CBX7: variants seen among roughly 807,000 people sequenced by gnomAD.
CBX7 encodes chromobox 7.
In CBX7, 14 loss-of-function variants were observed where a neutral mutation model predicts 31.4. That is an observed-to-expected ratio of 0.45 (90% confidence interval 0.29 to 0.70). The LOEUF (loss-of-function observed/expected upper bound fraction) is 0.70, where lower values mean the gene tolerates loss of function less well. Among genes scored for constraint, CBX7 ranks in the 30% least tolerant of loss-of-function variants. CBX7 has a pLI of 0.11. For missense variants in CBX7, 269 were observed against 351.9 expected (o/e 0.76, Z 1.89); for synonymous variants, 159 against 152.6 (o/e 1.04, Z -0.31).
intron 4 of CBX7, chr22:39,135,406 G>A (rs773821042): frequency 6.6e-6 from 1 of 152,250 alleles, no homozygotes; most frequent in East Asian, 1.9e-4. Context: ...TTGTAATGTC[G>A]GGATTTATCT....
At chr22:39,144,658 G>A (rs940616170) in intron 2 of CBX7, among the ~76,000 whole-genome samples, 1 of 152,188 alleles carries the variant, frequency 6.6e-6, no homozygotes, top group Admixed American at 6.5e-5. Flanking sequence ...TAACTGGTAG[G>A]AAGGGGAATT....
intron 1 of CBX7, among the ~76,000 whole-genome samples, chr22:39,150,063 G>A (rs1364954720): frequency 6.6e-6 from 1 of 152,166 alleles, no homozygotes; most frequent in African/African-American, 2.4e-5. Flanking sequence ...ACAGGAGTGC[G>A]TCTGGCTCCA....
Position 39,134,461 on chromosome 22 carries a change from G to A in CBX7, c.538C>T (p.Pro180Ser). Residue 180 changes from proline (P) to serine (S), a missense_variant, in exon 5 of 6, where the codon CCA becomes TCA. By Grantham distance (74) the Pro-to-Ser change is moderately conservative. Transcript: ENST00000216133. The stretch of plus-strand genomic sequence containing the variant: ...TCGCCAGCCGCCTGCAGGACGTCTG[G>A]GGCCGGTGGCTCCTGCAGGAAGAGC... The part of the protein sequence containing the change: ...RELFLQEPPA[P>S]DVLQAAGEWE... 1 of 1,608,066 alleles carries A rather than the reference G, an allele frequency of 6.2e-7. No individual in the cohort carries two copies. The highest frequency in any genetic ancestry group is 8.5e-7 in the Non-Finnish European group (1 of 1,179,808).
At chr22:39,149,745 G>A in intron 2 of CBX7, 44 bp downstream of exon 2, 1 of 1,591,928 alleles carries the variant, frequency 6.3e-7, no homozygotes, top group Non-Finnish European at 8.6e-7. Flanking sequence ...GAATGCATGG[G>A]TCGGTAGGCA....
In CBX7 at chr22:39,144,598, C is replaced by A. The variant is rs376222339; in HGVS notation, c.114-3162G>T. 3.6e-4 allele frequency among the ~76,000 whole-genome samples: 55 copies of A among 152,328 alleles called. No homozygotes were observed. In the South Asian group the frequency reaches 0.011, roughly 32 times the overall value. ...TACAGCAGAAGCCACGAGAGGCTGG[C>A]AGACACTCTAACCCTTCCTCCCCCC... On this transcript the variant is annotated intron_variant, in intron 2 of 5. Coordinates refer to ENST00000216133, the MANE Select transcript of CBX7 (RefSeq NM_175709.5).
chr22:39,141,441 G>A lies in CBX7; in HGVS notation c.114-5C>T. 1 of 1,610,978 alleles carries A rather than the reference G, an allele frequency of 6.2e-7. No homozygotes were observed. Among genetic ancestry groups the A allele is most frequent in the Non-Finnish European group, 8.5e-7 (1 of 1,178,914 alleles). ...TCTGGCTCCCACGTGCTGTACCTGG[G>A]GAGAGGAATGAAAGGTCAGAGTTGG... On this transcript the variant is annotated splice_region_variant and splice_polypyrimidine_tract_variant and intron_variant, in intron 2 of 5. Transcript: ENST00000216133.
At chr22:39,141,644 G>C (rs1216546111) in intron 2 of CBX7, among the ~76,000 whole-genome samples, 5 of 152,018 alleles carry the variant, frequency 3.3e-5, no homozygotes, top group African/African-American at 1.2e-4. Flanking sequence ...AGCTACTCAG[G>C]AGGCTGAGAC....
At position 39,134,199 on chromosome 22, in the gene CBX7, T is replaced by C. The variant is rs28620442; in HGVS notation, c.599-151A>G. On this transcript the variant is annotated intron_variant, in intron 5 of 5. Transcript: ENST00000216133. ...GGCTGGACACTTGGGAGGAGGGCAC[T>C]GGGTGCATCCTCCCCACCTAGACAA... 7.1e-3 allele frequency: 6,266 copies of C among 881,236 alleles called. 284 individuals carry two copies. In the African/African-American group the frequency reaches 0.093, roughly 13 times the overall value. 54.6% of individuals were successfully genotyped at this position (881,236 alleles called of 1,614,324 possible).
chr22:39,151,278 T>G (rs1030689107), intron 1 of CBX7, among the ~76,000 whole-genome samples: 5 of 151,506 alleles, frequency 3.3e-5, no homozygotes, highest in Non-Finnish European at 7.4e-5. Context: ...ATCAGAAGAG[T>G]AAAACCCCAA....
chr22:39,146,536 G>T (rs1245292516), intron 2 of CBX7, among the ~76,000 whole-genome samples: 1 of 152,224 alleles, frequency 6.6e-6, no homozygotes, highest in Non-Finnish European at 1.5e-5. Context: ...CACTGAACTG[G>T]CCAAAAGGCC....
chr22:39,145,839 G>T (rs184296631), intron 2 of CBX7, among the ~76,000 whole-genome samples: 1 of 151,940 alleles, frequency 6.6e-6, no homozygotes, highest in South Asian at 2.1e-4. Flanking sequence ...CCCAGCCAAA[G>T]CCCCGCCGCG....
chr22:39,134,089 G>A (rs777140864), intron 5 of CBX7, 41 bp from the exon 6 acceptor site: 1 of 1,552,980 alleles, frequency 6.4e-7, no homozygotes, highest in Non-Finnish European at 8.7e-7. Context: ...CGTTGACAAG[G>A]TGGGAAGCCA....
Position 39,134,584 on chromosome 22 carries a change from G to A in CBX7, c.415C>T (p.Leu139Phe), listed in dbSNP as rs1273406713. 1 of 1,597,206 alleles carries A rather than the reference G, an allele frequency of 6.3e-7. No individual in the cohort carries two copies. The highest frequency in any genetic ancestry group is 8.5e-7 in the Non-Finnish European group (1 of 1,172,428). The change falls in exon 5 of 6, where the codon CTC becomes TTC. Residue 139 changes from leucine (L) to phenylalanine (F), a missense_variant. Coordinates refer to ENST00000216133, the MANE Select transcript of CBX7 (RefSeq NM_175709.5). Reference sequence around the variant, plus strand: ...TTGTGGGCCTTTCGGGGCTTGCGGAGCGGGAAGGGCAGGGTGGGCACCAAG... The same window carrying A: ...TTGTGGGCCTTTCGGGGCTTGCGGAACGGGAAGGGCAGGGTGGGCACCAAG... ...GPLVPTLPFP[L>F]RKPRKAHKYL...
chr22:39,142,572 G>A lies in CBX7; in HGVS notation c.114-1136C>T, dbSNP rs560207769. Among the ~76,000 whole-genome samples the A allele has an allele frequency of 4.6e-5, 7 of 152,354 alleles. No individual in the cohort carries two copies. The South Asian group carries it at 1.4e-3, about 32-fold the overall frequency. On this transcript the variant is annotated intron_variant, in intron 2 of 5. Coordinates refer to ENST00000216133, the MANE Select transcript of CBX7 (RefSeq NM_175709.5). The stretch of plus-strand genomic sequence containing the variant: ...CAGCGGCTCCAGAGCTCACCTATCT[G>A]TGGAACCACCGTGGTGACACCCACC...
intron 2 of CBX7, chr22:39,149,182 C>T (rs371869137): frequency 6.6e-6 from 1 of 152,376 alleles, no homozygotes; most frequent in Non-Finnish European, 1.5e-5. Context: ...AGAGGAGACA[C>T]CTGAAAAGGA....
intron 4 of CBX7, 91 bp downstream of exon 4, chr22:39,138,545 G>A (rs968084331): frequency 8.3e-7 from 1 of 1,201,790 alleles, no homozygotes. Context: ...ACACAGATCA[G>A]CTCAATCAGC....
chr22:39,138,823 GC>G, intron 3 of CBX7, 121 bp from the exon 4 acceptor site: 2 of 871,264 alleles, frequency 2.3e-6, no homozygotes, highest in South Asian at 2.8e-5. Context: ...CCACAGGCCT[GC>G]CCACCAATCC....
Position 39,133,737 on chromosome 22 carries a change from G to T in CBX7, c.*154C>A. 1.4e-6 allele frequency: 1 copy of T among 701,964 alleles called. No homozygotes were observed. Among genetic ancestry groups the T allele is most frequent in the Non-Finnish European group, 2.2e-6 (1 of 454,134 alleles). 43.5% of individuals were successfully genotyped at this position (701,964 alleles called of 1,614,324 possible). ...CGTGGTAAACGTCCCTCAGAGAAAG[G>T]GCAGGTGGTGGGAGAGTAGTGGGAT... On this transcript the variant is annotated 3_prime_UTR_variant, in exon 6 of 6. Coordinates refer to ENST00000216133, the MANE Select transcript of CBX7 (RefSeq NM_175709.5).
At position 39,152,358 on chromosome 22, in the gene CBX7, G is replaced by GC; in HGVS notation, c.69+17dup. On this transcript the variant is annotated intron_variant, in intron 1 of 5. Coordinates refer to ENST00000216133, the MANE Select transcript of CBX7 (RefSeq NM_175709.5). The surrounding 1 kb of genome is among the most constrained non-coding windows in gnomAD (Gnocchi z 4.9). ...GGACCCCACTGGGGTCCTGGGAGCC[G>GC]CCCCCGGGCAGCCTCACCTTCCGCA... The GC allele has an allele frequency of 7.2e-7, 1 of 1,379,376 alleles. No homozygotes were observed. Among genetic ancestry groups the GC allele is most frequent in the Non-Finnish European group, 9.4e-7 (1 of 1,059,008 alleles). The allele number at this position is 1,379,376 out of a possible 1,614,324, so 85.4% of individuals were successfully genotyped here.
Sources: gnomAD v4.1 joint callset for allele counts (sites outside exome capture counted in the v4.1 genomes callset) on GRCh38, gnomAD v4.1.1 for gene constraint, Gnocchi (gnomAD v3.1) non-coding constraint, MANE v1.5 for transcripts, NCBI Gene and HGNC (gene_info 2026-07-23, HGNC 2026-07-21) for gene names.